Variants in IDUA observed in about 807,000 individuals in gnomAD.
IDUA encodes the protein alpha-L-iduronidase.
In IDUA, 65 loss-of-function variants were observed where a neutral mutation model predicts 68.9. The observed-to-expected ratio is 0.94, with a 90% CI of 0.77 to 1.16. The LOEUF (loss-of-function observed/expected upper bound fraction) is 1.16, where lower values mean the gene tolerates loss of function less well. Among genes scored for constraint, IDUA ranks in the 50% most tolerant of loss-of-function variants. IDUA has a pLI of 0.00. For missense variants in IDUA, 1,046 were observed against 938.0 expected, an observed-to-expected ratio of 1.12 and a Z score of -1.50; for synonymous variants, 529 against 433.6, an observed-to-expected ratio of 1.22 and a Z score of -2.73.
Position 1,001,498 on chromosome 4 carries a change from G to A in IDUA, c.524G>A (p.Trp175Ter). ...GRYGLAHVSK[W>*]NFETWNEPDH... ...TACGGACTGGCGCATGTTTCCAAGTGGAACTTCGAGACGTGGAATGAGCCA... is the reference window on the plus strand; with the variant it reads ...TACGGACTGGCGCATGTTTCCAAGTAGAACTTCGAGACGTGGAATGAGCCA... The change falls in exon 5 of 14, where the codon TGG becomes TAG. Residue 175 changes from tryptophan to a stop codon, truncating the protein, a stop_gained. Transcript: ENST00000514224. LOFTEE classifies it high-confidence loss of function. 6.2e-7 allele frequency: 1 copy of A among 1,613,186 alleles called. No homozygotes were observed. The highest frequency in any genetic ancestry group is 8.5e-7 in the Non-Finnish European group (1 of 1,179,946).
At chr4:1,001,014 C>T in intron 4 of IDUA, 25 bp downstream of exon 4, 1 of 1,545,706 alleles carries the variant, frequency 6.5e-7, no homozygotes, top group South Asian at 1.1e-5. Flanking sequence ...GCCCTGGGGC[C>T]CTGGCCGGGG....
chr4:992,588 A>C, intron 2 of IDUA: 2 of 199,950 alleles, frequency 1.0e-5, no homozygotes, highest in Middle Eastern at 2.0e-3. Context: ...CTGGGACGTG[A>C]GGCGCCCTTT....
At position 991,585 on chromosome 4, in the gene IDUA, G is replaced by A. The variant is rs768396425; in HGVS notation, c.299+3636G>A. ...CGCCCGGACGCACAGCACACTGCAC[G>A]AGCAGCTGCACCACAGCCTGGCCTT... On this transcript the variant is annotated intron_variant, in intron 2 of 13. Transcript: ENST00000514224. 25 of 1,599,004 alleles carry A rather than the reference G, an allele frequency of 1.6e-5. No individual in the cohort carries two copies. Among genetic ancestry groups the A allele is most frequent in the Middle Eastern group, 1.7e-4 (1 of 6,030 alleles).
chr4:991,906 C>T (rs1450921560), intron 2 of IDUA: 12 of 1,116,762 alleles, frequency 1.1e-5, no homozygotes, highest in African/African-American at 4.6e-5. Context: ...TATGGATGGA[C>T]GCTGGGCCCT....
chr4:1,001,359 T>G, intron 4 of IDUA, 109 bp from the exon 5 acceptor site: 1 of 930,230 alleles, frequency 1.1e-6, no homozygotes, highest in South Asian at 1.3e-5. Flanking sequence ...TGCATGGAGA[T>G]GGGGTTCATC....
chr4:996,328 G>C (rs1714743390), intron 2 of IDUA, among the ~76,000 whole-genome samples: 1 of 152,206 alleles, frequency 6.6e-6, no homozygotes. Context: ...GGGAGACCCA[G>C]GGGGCTGGGG....
chr4:988,557 C>T lies in IDUA; in HGVS notation c.299+608C>T, dbSNP rs147250021. 24,651 of 1,311,148 alleles carry T rather than the reference C, an allele frequency of 0.019. 271 individuals carry two copies. Among genetic ancestry groups the T allele is most frequent in the Non-Finnish European group, 0.021 (22,043 of 1,031,478 alleles). 81.2% of individuals were successfully genotyped at this position (1,311,148 alleles called of 1,614,324 possible). A position where few individuals can be genotyped will look rare whatever the true frequency, so the allele number is the denominator to read the frequency against. ...CCTGAGCGTCAGGTCAGGCCCATCC[C>T]TCCTGAGCTGAGGGACGGTGCATTG... On this transcript the variant is annotated intron_variant, in intron 2 of 13. Transcript: ENST00000514224.
At chr4:1,001,409 G>A (rs961673696) in intron 4 of IDUA, 59 bp from the exon 5 acceptor site, 4 of 1,423,660 alleles carry the variant, frequency 2.8e-6, no homozygotes, top group South Asian at 2.3e-5. Flanking sequence ...CCCTCCCTCC[G>A]TGGGAGTCAC....
rs200411359 is a variant in IDUA at position 1,001,755 on chromosome 4, C to T, written c.666C>T (p.Gly222=). The stretch of plus-strand genomic sequence containing the variant: ...CCGCCCTGCGGCTGGGAGGCCCCGG[C>T]GACTCCTTCCACACCCCACCGCGAT... ...ASPALRLGGP[G]DSFHTPPRSP... is the part of the protein sequence containing the mutation. Residue 222 remains glycine, a synonymous_variant, in exon 6 of 14, where the codon GGC becomes GGT. Coordinates refer to ENST00000514224, the MANE Select transcript of IDUA (RefSeq NM_000203.5). 5.1e-5 allele frequency: 81 copies of T among 1,597,544 alleles called. No homozygotes were observed. The African/African-American group carries it at 9.5e-4, about 19-fold the overall frequency.
chr4:1,003,719 C>A, intron 12 of IDUA, 94 bp downstream of exon 12: 1 of 1,375,762 alleles, frequency 7.3e-7, no homozygotes, highest in Non-Finnish European at 1.0e-6. Context: ...GGCCACTTGC[C>A]GTGGCCCATC....
rs760572220 is a variant in IDUA, at chr4:989,429, G to A, written c.299+1480G>A. 13 of 1,554,530 alleles carry A rather than the reference G, an allele frequency of 8.4e-6. No homozygotes were observed. Among genetic ancestry groups the A allele is most frequent in the African/African-American group, 1.4e-5 (1 of 73,324 alleles). Reference sequence around the variant, plus strand: ...AGGGCGGTGCGTGGGCGTTGGGTGCGGCCGGCCAGGCTGAGCAGCGAGAGG... The same window carrying A: ...AGGGCGGTGCGTGGGCGTTGGGTGCAGCCGGCCAGGCTGAGCAGCGAGAGG... On this transcript the variant is annotated intron_variant, in intron 2 of 13. Coordinates refer to ENST00000514224, the MANE Select transcript of IDUA (RefSeq NM_000203.5).
intron 2 of IDUA, chr4:989,209 C>T (rs776670233): frequency 1.9e-6 from 3 of 1,609,268 alleles, no homozygotes; most frequent in East Asian, 4.5e-5. Flanking sequence ...CGTCTCTGAG[C>T]CCCCCTCCTT....
chr4:1,002,701 C>T, intron 8 of IDUA, 31 bp from the exon 9 acceptor site: 1 of 1,413,764 alleles, frequency 7.1e-7, no homozygotes, highest in South Asian at 1.3e-5. Flanking sequence ...GCAACGACCC[C>T]ACGCGGCGAC....
rs750594086 is a variant in IDUA, at chr4:989,999, G to A, written c.299+2050G>A. ...TCGCCAGCCACGCTCGAGCCAAAGC[G>A]CTTGTGGAGCTGCCCGAAGTGCGAC... is the stretch of plus-strand genomic sequence containing the variant. On this transcript the variant is annotated intron_variant, in intron 2 of 13. Transcript: ENST00000514224. 1.5e-5 allele frequency: 23 copies of A among 1,568,072 alleles called. No individual in the cohort carries two copies. Among genetic ancestry groups the A allele is most frequent in the South Asian group, 2.3e-5 (2 of 85,584 alleles).
At chr4:1,002,654 T>C in intron 8 of IDUA, 78 bp from the exon 9 acceptor site, 1 of 1,194,292 alleles carries the variant, frequency 8.4e-7, no homozygotes, top group Non-Finnish European at 1.1e-6. Context: ...GGGGAGCGAG[T>C]GGTGGGAGGC....
Position 1,002,269 on chromosome 4 carries a change from G to C in IDUA, c.973G>C (p.Val325Leu). Residue 325 changes from valine to leucine, a missense_variant and splice_region_variant, in exon 8 of 14, where the codon GTC (valine) becomes CTC (leucine). Transcript: ENST00000514224. ...TCCCAGCTGCCCTGGACACCCGCAG[G>C]TCATCGCGCAGCATCAGAACCTGCT... is the stretch of plus-strand genomic sequence containing the variant. ...DVTYAAMVVK[V>L]IAQHQNLLLA... 1 of 1,610,202 alleles carries C rather than the reference G, an allele frequency of 6.2e-7. No individual in the cohort carries two copies. Among genetic ancestry groups the C allele is most frequent in the Non-Finnish European group, 8.5e-7 (1 of 1,178,652 alleles).
At chr4:998,783 A>ACCCCCCCCCCCCCCCCCCC (rs148444493) in intron 2 of IDUA, among the ~76,000 whole-genome samples, 1 of 120,756 alleles carries the variant, frequency 8.3e-6, no homozygotes, top group Non-Finnish European at 1.7e-5. Context: ...CGACCCCCCG[A>ACCCCCCCCCCCCCCCCCCC]CCCCCCACCT....
intron 2 of IDUA, chr4:991,107 T>G (rs1577518975): frequency 6.6e-7 from 1 of 1,519,934 alleles, no homozygotes. Context: ...CCCCTCCCTG[T>G]GCCCAAGCAG....
intron 2 of IDUA, among the ~76,000 whole-genome samples, chr4:997,655 T>C (rs1201845049): frequency 2.0e-5 from 3 of 152,178 alleles, no homozygotes; most frequent in African/African-American, 4.8e-5. Context: ...CTCGTCTGCG[T>C]CTCCGGCCCT....
Sources: gnomAD v4.1 joint callset for allele counts (sites outside exome capture counted in the v4.1 genomes callset) on GRCh38, gnomAD v4.1.1 for gene constraint, MANE v1.5 for transcripts, NCBI Gene and HGNC (gene_info 2026-07-23, HGNC 2026-07-21) for gene names.